The following SLC38A6 variants were observed in gnomAD, a reference collection of about 807,000 sequenced individuals.
SLC38A6 encodes N system amino acid transporter NAT-1.
In SLC38A6, 73 loss-of-function variants were observed where a neutral mutation model predicts 65.0. The observed-to-expected ratio is 1.12, with a 90% CI of 0.93 to 1.37. The LOEUF is 1.37. SLC38A6 is among the 40% of genes most tolerant of loss of function. The pLI is 0.00. For missense variants in SLC38A6, 561 were observed against 531.1 expected (o/e 1.06, Z -0.55); for synonymous variants, 183 against 178.8 (o/e 1.02, Z -0.19).
At chr14:60,993,063 G>A (rs1027386757) in intron 3 of SLC38A6, among the ~76,000 whole-genome samples, 1 of 152,096 alleles carries the variant, frequency 6.6e-6, no homozygotes, top group African/African-American at 2.4e-5. Context: ...GGCCAGGCTG[G>A]TATAGAACTC....
intron 15 of SLC38A6, among the ~76,000 whole-genome samples, chr14:61,070,494 T>C (rs776916307): frequency 6.6e-5 from 10 of 152,254 alleles, no homozygotes; most frequent in Non-Finnish European, 1.0e-4. Context: ...CTCTTGGCTA[T>C]TGTGGATAAT....
At chr14:60,981,413 G>A (rs2037005424) in intron 1 of SLC38A6, 31 bp downstream of exon 1, 1 of 1,558,828 alleles carries the variant, frequency 6.4e-7, no homozygotes, top group Non-Finnish European at 8.7e-7. Context: ...TCCCCGCGCT[G>A]ACGCCCTCCG....
intron 15 of SLC38A6, among the ~76,000 whole-genome samples, chr14:61,068,301 T>C (rs1424657695): frequency 1.3e-5 from 2 of 152,156 alleles, no homozygotes; most frequent in Non-Finnish European, 2.9e-5. Flanking sequence ...TCCACTTTCA[T>C]ACTGCAAAGT....
intron 5 of SLC38A6, 32 bp downstream of exon 5, chr14:61,019,612 A>G: frequency 6.2e-7 from 1 of 1,600,834 alleles, no homozygotes; most frequent in Non-Finnish European, 8.6e-7. Context: ...GTTTATACAT[A>G]AATGTGATGG....
At chr14:61,043,346 T>G in intron 9 of SLC38A6, 104 bp from the exon 10 acceptor site, 1 of 1,114,768 alleles carries the variant, frequency 9.0e-7, no homozygotes, top group Non-Finnish European at 1.3e-6. Context: ...TTTGAAATAC[T>G]TTCATTTGAA....
At chr14:61,069,825 C>T (rs1200594992) in intron 15 of SLC38A6, among the ~76,000 whole-genome samples, 1 of 152,140 alleles carries the variant, frequency 6.6e-6, no homozygotes, top group East Asian at 1.9e-4. Flanking sequence ...CCATCCAATT[C>T]TATCCCCAGC....
chr14:61,063,865 G>C (rs1193932251), intron 15 of SLC38A6, among the ~76,000 whole-genome samples: 1 of 152,168 alleles, frequency 6.6e-6, no homozygotes, highest in Non-Finnish European at 1.5e-5. Flanking sequence ...CTATTATACA[G>C]GGTCATATTG....
intron 15 of SLC38A6, among the ~76,000 whole-genome samples, chr14:61,067,897 A>G (rs1169143822): frequency 6.6e-6 from 1 of 152,098 alleles, no homozygotes; most frequent in East Asian, 1.9e-4. Flanking sequence ...TCTTCATCAT[A>G]CTTACATTTT....
Position 61,015,325 on chromosome 14 carries a change from CTT to C in SLC38A6, c.311-578_311-577del, listed in dbSNP as rs997475665. 2.8e-4 allele frequency among the ~76,000 whole-genome samples: 42 copies of C among 152,342 alleles called. 1 individual carries two copies. Among genetic ancestry groups the C allele is most frequent in the African/African-American group, 1.0e-3 (42 of 41,582 alleles). On this transcript the variant is annotated intron_variant, in intron 3 of 15. Coordinates refer to ENST00000267488, the MANE Select transcript of SLC38A6 (RefSeq NM_153811.3). ...AAAGGGAATTCCCTGACCCCTTGCA[CTT>C]CCCAGGTGAGGTGATGCCTCACCCT...
At chr14:60,987,115 C>A in intron 3 of SLC38A6, 2 of 370,124 alleles carry the variant, frequency 5.4e-6, no homozygotes, top group African/African-American at 2.2e-5. Flanking sequence ...ACCTGTCTTC[C>A]GTTGATTGAA....
intron 5 of SLC38A6, among the ~76,000 whole-genome samples, chr14:61,029,351 T>C (rs2040806072): frequency 6.6e-6 from 1 of 152,034 alleles, no homozygotes. Context: ...GAGACAGGAT[T>C]TCACCATGTT....
chr14:61,019,227 C>G (rs868337535), intron 4 of SLC38A6, among the ~76,000 whole-genome samples: 2 of 152,058 alleles, frequency 1.3e-5, no homozygotes, highest in South Asian at 4.2e-4. Flanking sequence ...AATGAGACAC[C>G]ACTCCCACAC....
In SLC38A6 at chr14:61,037,682, T is replaced by C. The variant is rs1338734786; in HGVS notation, c.623T>C (p.Val208Ala). ...TTCTTTATGATGTTCTTTGCTCTTG[T>C]GGTAAGTTTAAAATATAATACATTG... is the stretch of plus-strand genomic sequence containing the variant. ...SFFFMMFFALVVIIKKWSIPC... is the reference protein window; with the variant it reads ...SFFFMMFFALAVIIKKWSIPC... The change falls in exon 8 of 16, where the codon GTG becomes GCG. Residue 208 changes from valine (V) to alanine (A), a missense_variant and splice_region_variant. Val to Ala is a moderately conservative substitution (Grantham distance 64). Transcript: ENST00000267488. 1.6e-5 allele frequency: 26 copies of C among 1,579,310 alleles called. No individual in the cohort carries two copies. The highest frequency in any genetic ancestry group is 2.1e-5 in the Non-Finnish European group (24 of 1,155,238).
rs927661407 is a variant in SLC38A6, at chr14:61,004,955, T to C, written c.311-10949T>C. ...AATCCTCAATAAAATACTGGCAAAC[T>C]GAATCCAGCAGCACATCAAAAAGCT... On this transcript the variant is annotated intron_variant, in intron 3 of 15. Transcript: ENST00000267488. Among the ~76,000 whole-genome samples the C allele has an allele frequency of 1.4e-4, 21 of 152,166 alleles. 1 individual carries two copies. Among genetic ancestry groups the C allele is most frequent in the Admixed American group, 5.9e-4 (9 of 15,282 alleles).
At chr14:61,014,216 C>T (rs961168812) in intron 3 of SLC38A6, among the ~76,000 whole-genome samples, 85 of 152,168 alleles carry the variant, frequency 5.6e-4, no homozygotes, top group Non-Finnish European at 6.8e-4. Flanking sequence ...AGTTCTCGTG[C>T]CGTGGTTTTC....
intron 3 of SLC38A6, among the ~76,000 whole-genome samples, chr14:60,988,107 C>T (rs1254038170): frequency 1.3e-5 from 2 of 152,178 alleles, no homozygotes; most frequent in Non-Finnish European, 2.9e-5. Context: ...CTCTTCTGAA[C>T]ATTTCTGTCT....
chr14:61,077,608 C>T (rs781170282), intron 15 of SLC38A6, among the ~76,000 whole-genome samples: 4 of 151,964 alleles, frequency 2.6e-5, no homozygotes, highest in Non-Finnish European at 5.9e-5. Flanking sequence ...ATACTTGGAG[C>T]CTCTCCTTGT....
At chr14:61,025,700 G>T (rs1483424358) in intron 5 of SLC38A6, among the ~76,000 whole-genome samples, 2 of 152,052 alleles carry the variant, frequency 1.3e-5, no homozygotes, top group African/African-American at 2.4e-5. Flanking sequence ...ATAAGACAAA[G>T]ATATACATTT....
At position 60,981,374 on chromosome 14, in the gene SLC38A6, C is replaced by T. The variant is rs2036998942; in HGVS notation, c.97C>T (p.Leu33=). Reference sequence around the variant, plus strand: ...GGAGGCCGAAGAGTTGAGTCCGTTGCTAAGCAACGTAAGTGGGCTGTGTTC... The same window carrying T: ...GGAGGCCGAAGAGTTGAGTCCGTTGTTAAGCAACGTAAGTGGGCTGTGTTC... ...EAEAEELSPL[L]SNELHRQRSP... The change falls in exon 1 of 16, where the codon CTA becomes TTA. Residue 33 remains leucine, a synonymous_variant. Coordinates refer to ENST00000267488, the MANE Select transcript of SLC38A6 (RefSeq NM_153811.3). 1.9e-6 allele frequency: 3 copies of T among 1,600,110 alleles called. No individual in the cohort carries two copies. In the East Asian group the frequency reaches 6.8e-5, roughly 36 times the overall value.
Sources: allele counts gnomAD v4.1 joint callset (sites outside exome capture counted in the v4.1 genomes callset), GRCh38; gene constraint gnomAD v4.1.1; transcripts MANE v1.5; gene names NCBI Gene and HGNC (gene_info 2026-07-23, HGNC 2026-07-21).